Variants in GTF2I observed in about 807,000 individuals in gnomAD.
GTF2I encodes the protein general transcription factor II-I.
A neutral mutation model predicts 67.6 loss-of-function variants in GTF2I; 12 were observed. The observed-to-expected ratio is 0.18, with a 90% CI of 0.11 to 0.29. GTF2I has a LOEUF of 0.29. GTF2I is among the 10% of genes least tolerant of loss of function. The pLI, the probability that GTF2I is intolerant of heterozygous loss-of-function variation, is 1.00. For missense variants in GTF2I, 271 were observed against 580.1 expected (o/e 0.47, Z 5.47); for synonymous variants, 149 against 197.0 (o/e 0.76, Z 2.04).
intron 12 of GTF2I, chr7:74,726,834 CAGATAGATAGATAGATAGATAGATAGAT>C: frequency 1.5e-5 from 2 of 137,514 alleles, no homozygotes; most frequent in South Asian, 5.0e-4. Flanking sequence ...ACCCTCCCGA[CAGATAGATAGATAGATAGATAGATAGAT>C]AGATAGATAG....
chr7:74,700,182 T>C, intron 4 of GTF2I, 65 bp from the exon 5 acceptor site: 1 of 1,535,900 alleles, frequency 6.5e-7, no homozygotes, highest in Non-Finnish European at 9.0e-7. Context: ...CACAATAAGC[T>C]AGCGATGATT....
chr7:74,698,975 GA>G lies in GTF2I; in HGVS notation c.258del (p.Ala87LeufsTer7). 7.1e-7 allele frequency: 1 copy of G among 1,401,560 alleles called. No individual in the cohort carries two copies. The highest frequency in any genetic ancestry group is 9.5e-7 in the Non-Finnish European group (1 of 1,057,936). The allele number at this position is 1,401,560 out of a possible 1,614,324, so 86.8% of individuals were successfully genotyped here. A position where few individuals can be genotyped will look rare whatever the true frequency, so the allele number is the denominator to read the frequency against. ...DFVKYCVEEEEKAAEMHKMKS... is the reference protein window; with the variant it reads ...DFVKYCVEEEXKAAEMHKMKS... ...TTTTTTTACAGGTGTTGAAGAAGAA[GA>G]AAAAGCTGCAGAGATGCATAAAATG... On this transcript the variant is annotated frameshift_variant, in exon 4 of 35. Coordinates refer to ENST00000573035, the MANE Select transcript of GTF2I (RefSeq NM_032999.4). LOFTEE classifies it high-confidence loss of function.
chr7:74,689,507 A>G (rs587595192), intron 2 of GTF2I, among the ~76,000 whole-genome samples: 4 of 151,178 alleles, frequency 2.6e-5, no homozygotes, highest in South Asian at 4.2e-4. Flanking sequence ...GGCGCCTGCC[A>G]CCACACCTGG....
intron 1 of GTF2I, among the ~76,000 whole-genome samples, chr7:74,661,752 A>C (rs782798844): frequency 3.3e-5 from 5 of 152,212 alleles, no homozygotes; most frequent in African/African-American, 7.2e-5. Context: ...ATTGCTCAGA[A>C]AACTGGCTGA....
chr7:74,685,326 T>C (rs1201481670), intron 1 of GTF2I, among the ~76,000 whole-genome samples: 1 of 152,156 alleles, frequency 6.6e-6, no homozygotes, highest in African/African-American at 2.4e-5. Context: ...TGAAACCCCC[T>C]CTCTACTAAA....
chr7:74,678,342 A>G (rs1418295187), intron 1 of GTF2I, among the ~76,000 whole-genome samples: 1 of 151,296 alleles, frequency 6.6e-6, no homozygotes, highest in Admixed American at 6.6e-5. Flanking sequence ...GCTAATTTTG[A>G]AGGTTTTTCT....
Position 74,670,716 on chromosome 7 carries a change from A to C in GTF2I, c.-6+12648A>C, listed in dbSNP as rs147357394. ...AAAAAAAACAAAAAAAAAACAAAAAAAAAAAACACCTCAAGAACAAAGTAA... is the reference window on the plus strand; with the variant it reads ...AAAAAAAACAAAAAAAAAACAAAAACAAAAAACACCTCAAGAACAAAGTAA... On this transcript the variant is annotated intron_variant, in intron 1 of 34. Coordinates refer to ENST00000573035, the MANE Select transcript of GTF2I (RefSeq NM_032999.4). Among the ~76,000 whole-genome samples, 836 of 151,746 alleles carry C rather than the reference A, an allele frequency of 5.5e-3. 9 individuals carry two copies. Among genetic ancestry groups the C allele is most frequent in the African/African-American group, 0.018 (742 of 41,472 alleles).
chr7:74,680,099 A>AATATATAT (rs1554393663), intron 1 of GTF2I, among the ~76,000 whole-genome samples: 29 of 94,966 alleles, frequency 3.1e-4, no homozygotes, highest in African/African-American at 3.6e-4. Flanking sequence ...AAAAAAAAAA[A>AATATATAT]ATATATATAT....
chr7:74,700,524 A>T, intron 5 of GTF2I, 82 bp from the exon 6 acceptor site: 1 of 1,590,978 alleles, frequency 6.3e-7, no homozygotes, highest in Non-Finnish European at 8.6e-7. Context: ...ATTCATATTT[A>T]ACACAGAAGT....
At chr7:74,680,135 T>TAC (rs1787136259) in intron 1 of GTF2I, among the ~76,000 whole-genome samples, 2 of 134,278 alleles carry the variant, frequency 1.5e-5, no homozygotes, top group South Asian at 4.6e-4. Flanking sequence ...TGTATGTATA[T>TAC]ACACATATAT....
intron 1 of GTF2I, among the ~76,000 whole-genome samples, chr7:74,678,455 C>T (rs1379687963): frequency 6.6e-6 from 1 of 152,036 alleles, no homozygotes; most frequent in Non-Finnish European, 1.5e-5. Flanking sequence ...GAGTTTATCT[C>T]GCCTTCCTTA....
At chr7:74,660,966 C>T (rs147632228) in intron 1 of GTF2I, among the ~76,000 whole-genome samples, 2 of 152,292 alleles carry the variant, frequency 1.3e-5, no homozygotes, top group African/African-American at 2.4e-5. Context: ...GTCTTCCGTG[C>T]CCCCTCCATG....
At chr7:74,711,404 C>G (rs1428122594) in intron 9 of GTF2I, among the ~76,000 whole-genome samples, 1 of 152,108 alleles carries the variant, frequency 6.6e-6, no homozygotes, top group Non-Finnish European at 1.5e-5. Flanking sequence ...ATAAAACAAA[C>G]CTATTAGGCA....
intron 12 of GTF2I, among the ~76,000 whole-genome samples, chr7:74,722,063 A>G (rs1010828985): frequency 5.9e-5 from 9 of 152,164 alleles, no homozygotes; most frequent in Admixed American, 2.6e-4. Flanking sequence ...TAGAAAAAAA[A>G]ACAGAACTTT....
chr7:74,730,987 G>A (rs1198333747), intron 14 of GTF2I, among the ~76,000 whole-genome samples: 5 of 136,412 alleles, frequency 3.7e-5, no homozygotes, highest in South Asian at 2.5e-4. Flanking sequence ...CATTACAGGC[G>A]TGAGCCACCC....
intron 1 of GTF2I, among the ~76,000 whole-genome samples, chr7:74,660,598 C>T (rs1225539097): frequency 2.0e-5 from 3 of 149,976 alleles, no homozygotes; most frequent in Non-Finnish European, 4.4e-5. Context: ...TCTTTTTTTT[C>T]CTTTTCCTTT....
chr7:74,720,100 G>A (rs1021581171), intron 12 of GTF2I, among the ~76,000 whole-genome samples: 2 of 152,158 alleles, frequency 1.3e-5, no homozygotes, highest in Non-Finnish European at 2.9e-5. Context: ...CCAGCTTATT[G>A]TGTCTACTTA....
chr7:74,664,288 G>A (rs781951170), intron 1 of GTF2I, among the ~76,000 whole-genome samples: 7 of 152,050 alleles, frequency 4.6e-5, no homozygotes, highest in Non-Finnish European at 8.8e-5. Context: ...TAAAATTCTT[G>A]TTTTGGTATT....
Position 74,671,065 on chromosome 7 carries a change from T to G in GTF2I, c.-6+12997T>G, listed in dbSNP as rs182853892. Among the ~76,000 whole-genome samples the G allele has an allele frequency of 1.7e-4, 25 of 149,326 alleles. No individual in the cohort carries two copies. The East Asian group carries it at 4.8e-3, about 28-fold the overall frequency. ...ACTCAGAGCTGAACTTGTGATCCAC[T>G]GATTGGGCAGATCCTTTTTTTTTTT... is the stretch of plus-strand genomic sequence containing the variant. On this transcript the variant is annotated intron_variant, in intron 1 of 34. Transcript: ENST00000573035.
Sources: gnomAD v4.1 joint callset for allele counts (sites outside exome capture counted in the v4.1 genomes callset) on GRCh38, gnomAD v4.1.1 for gene constraint, MANE v1.5 for transcripts, NCBI Gene and HGNC (gene_info 2026-07-23, HGNC 2026-07-21) for gene names.